Variants in KIAA1217 observed in about 807,000 individuals in gnomAD.
KIAA1217 encodes sickle tail protein homolog.
Under a neutral mutation model 163.9 loss-of-function variants are expected in KIAA1217, and 88 were observed. The observed-to-expected ratio is 0.54, with a 90% CI of 0.45 to 0.64. KIAA1217 has a LOEUF of 0.64. Among genes scored for constraint, KIAA1217 ranks in the 30% least tolerant of loss-of-function variants. The pLI is 0.00. For missense variants in KIAA1217, 2,372 were observed against 2,475.0 expected, an observed-to-expected ratio of 0.96 and a Z score of 0.88; for synonymous variants, 903 against 923.1, an observed-to-expected ratio of 0.98 and a Z score of 0.39.
intron 1 of KIAA1217, among the ~76,000 whole-genome samples, chr10:23,893,540 G>A (rs957784286): frequency 7.9e-5 from 12 of 151,800 alleles, no homozygotes; most frequent in Admixed American, 1.3e-4. Context: ...CTAGCTTTTG[G>A]ATGTGTTTGC....
At chr10:24,531,595 T>C (rs1212005088) in intron 14 of KIAA1217, among the ~76,000 whole-genome samples, 1 of 152,188 alleles carries the variant, frequency 6.6e-6, no homozygotes, top group Non-Finnish European at 1.5e-5. Context: ...AAGTATATTA[T>C]ACTACCCATT....
chr10:24,300,672 A>G (rs2041211755), intron 2 of KIAA1217, among the ~76,000 whole-genome samples: 1 of 152,060 alleles, frequency 6.6e-6, no homozygotes, highest in African/African-American at 2.4e-5. Flanking sequence ...GGTTCAAGCA[A>G]TTCTCCTGCC....
chr10:24,107,603 T>C (rs1189168758), intron 2 of KIAA1217, among the ~76,000 whole-genome samples: 1 of 152,224 alleles, frequency 6.6e-6, no homozygotes, highest in Admixed American at 6.5e-5. Flanking sequence ...GGTATCTCAT[T>C]GTGGTTTTGA....
chr10:24,007,064 C>T (rs1847033345), intron 1 of KIAA1217, among the ~76,000 whole-genome samples: 1 of 152,034 alleles, frequency 6.6e-6, no homozygotes, highest in Non-Finnish European at 1.5e-5. Flanking sequence ...AACTATAAAG[C>T]CCTGTGTGTA....
chr10:23,697,440 C>T (rs1177636536), intron 1 of KIAA1217, among the ~76,000 whole-genome samples: 2 of 152,024 alleles, frequency 1.3e-5, no homozygotes, highest in African/African-American at 4.8e-5. Flanking sequence ...TAATTGAGCC[C>T]AAGTTACTAT....
intron 15 of KIAA1217, among the ~76,000 whole-genome samples, chr10:24,532,774 G>A (rs898013622): frequency 6.6e-6 from 1 of 152,112 alleles, no homozygotes; most frequent in East Asian, 1.9e-4. Flanking sequence ...TGGGAATTAC[G>A]GGAGCTACAG....
chr10:24,033,147 A>G (rs966062415), intron 2 of KIAA1217, among the ~76,000 whole-genome samples: 5 of 152,236 alleles, frequency 3.3e-5, no homozygotes, highest in Non-Finnish European at 7.3e-5. Context: ...ACAATATAGA[A>G]GCACAGATGG....
chr10:24,182,044 G>A (rs2066195581), intron 2 of KIAA1217, among the ~76,000 whole-genome samples: 1 of 152,198 alleles, frequency 6.6e-6, no homozygotes, highest in Non-Finnish European at 1.5e-5. Flanking sequence ...CCACAAATGT[G>A]TTTATCTACC....
At chr10:24,307,842 G>A (rs568755526) in intron 2 of KIAA1217, among the ~76,000 whole-genome samples, 1 of 152,276 alleles carries the variant, frequency 6.6e-6, no homozygotes, top group East Asian at 1.9e-4. Flanking sequence ...CAGCATGCTA[G>A]AGCAGGCATG....
intron 9 of KIAA1217, among the ~76,000 whole-genome samples, chr10:24,512,520 G>A (rs1452633240): frequency 4.6e-5 from 7 of 152,128 alleles, no homozygotes; most frequent in Admixed American, 2.6e-4. Context: ...GAATGTTCTC[G>A]GAACTGTTTG....
intron 3 of KIAA1217, among the ~76,000 whole-genome samples, chr10:24,430,061 G>A (rs1217366802): frequency 6.6e-6 from 1 of 152,156 alleles, no homozygotes; most frequent in East Asian, 1.9e-4. Flanking sequence ...TGGGAGGATA[G>A]CTTGAATTCA....
At chr10:23,914,308 G>A (rs74745541) in intron 1 of KIAA1217, among the ~76,000 whole-genome samples, 62 of 152,100 alleles carry the variant, frequency 4.1e-4, no homozygotes, top group Non-Finnish European at 7.5e-4. Context: ...CTTTTTCCTT[G>A]ACATTGGTTT....
At chr10:24,060,868 T>A (rs550994295) in intron 2 of KIAA1217, among the ~76,000 whole-genome samples, 3 of 152,318 alleles carry the variant, frequency 2.0e-5, no homozygotes, top group African/African-American at 7.2e-5. Flanking sequence ...ACCTAACATG[T>A]GGTCTCTCCT....
At chr10:23,946,960 G>T (rs978998901) in intron 1 of KIAA1217, among the ~76,000 whole-genome samples, 68 of 152,240 alleles carry the variant, frequency 4.5e-4, no homozygotes, top group African/African-American at 1.6e-3. Context: ...CCCCCATGCT[G>T]CTGTTCTCAT....
chr10:24,451,867 C>T (rs1454634443), intron 5 of KIAA1217, among the ~76,000 whole-genome samples: 1 of 152,120 alleles, frequency 6.6e-6, no homozygotes, highest in African/African-American at 2.4e-5. Flanking sequence ...GCATGTTGTT[C>T]ACTTGCTGAG....
At chr10:24,171,511 A>G (rs2065624913) in intron 2 of KIAA1217, among the ~76,000 whole-genome samples, 1 of 152,258 alleles carries the variant, frequency 6.6e-6, no homozygotes, top group Non-Finnish European at 1.5e-5. Context: ...TCCTTCAATA[A>G]TAATGATGAT....
intron 1 of KIAA1217, among the ~76,000 whole-genome samples, chr10:23,828,192 C>A (rs1837995081): frequency 6.6e-6 from 1 of 152,140 alleles, no homozygotes; most frequent in Non-Finnish European, 1.5e-5. Context: ...CTCTGAAAAT[C>A]TCCCCAAAAC....
intron 9 of KIAA1217, among the ~76,000 whole-genome samples, chr10:24,501,817 C>T (rs942981623): frequency 7.7e-6 from 1 of 130,314 alleles, no homozygotes; most frequent in Non-Finnish European, 1.6e-5. Context: ...GGCGCGATCT[C>T]GGCTCACTGC....
At chr10:24,508,761 GA>G (rs2068701356) in intron 9 of KIAA1217, among the ~76,000 whole-genome samples, 1 of 152,130 alleles carries the variant, frequency 6.6e-6, no homozygotes, top group South Asian at 2.1e-4. Flanking sequence ...CTGGATCTCA[GA>G]AAAACATATT....
Sources: gnomAD v4.1 joint callset for allele counts (sites outside exome capture counted in the v4.1 genomes callset) on GRCh38, gnomAD v4.1.1 for gene constraint, MANE v1.5 for transcripts, NCBI Gene and HGNC (gene_info 2026-07-23, HGNC 2026-07-21) for gene names.